Variants in FIGLA observed in about 807,000 individuals in gnomAD.
FIGLA encodes folliculogenesis specific bHLH transcription factor, also known as factor in the germline alpha.
In FIGLA, 17 loss-of-function variants were observed where a neutral mutation model predicts 21.5. The observed-to-expected ratio is 0.79, with a 90% confidence interval of 0.54 to 1.19. FIGLA has a LOEUF of 1.19. Ranked by LOEUF, FIGLA falls within the 50% of genes most tolerant of loss-of-function variation. FIGLA has a pLI of 0.00. For missense variants in FIGLA, 282 were observed against 285.0 expected, an observed-to-expected ratio of 0.99 and a Z score of 0.08; for synonymous variants, 129 against 117.6, an observed-to-expected ratio of 1.10 and a Z score of -0.63.
rs17655355 is a variant in FIGLA, at chr2:70,777,969, C to G, written c.610-298G>C. Among the ~76,000 whole-genome samples the G allele has an allele frequency of 0.43, 64,641 of 152,026 alleles. 14,871 individuals are homozygous for G. The highest frequency in any genetic ancestry group is 0.74 in the East Asian group (3,809 of 5,170). On this transcript the variant is annotated intron_variant, in intron 3 of 4. Coordinates refer to ENST00000332372, the MANE Select transcript of FIGLA (RefSeq NM_001004311.3). ...TGTCTCTGCTCAATTTTCTGAAACT[C>G]TCAACTTGAAGAAAAAATAAACCCA...
At chr2:70,777,456 CA>C (rs1675780236) in intron 4 of FIGLA, 74 bp from the exon 5 acceptor site, 1 of 1,347,858 alleles carries the variant, frequency 7.4e-7, no homozygotes. Context: ...AAGAAATATG[CA>C]AAAAATTAAT....
chr2:70,787,728 C>A lies in FIGLA; in HGVS notation c.305G>T (p.Ser102Ile). 2 of 1,612,078 alleles carry A rather than the reference C, an allele frequency of 1.2e-6. No homozygotes were observed. The highest frequency in any genetic ancestry group is 2.7e-5 in the African/African-American group (2 of 75,008). ...CGCACCTTTAAGGATATCAACTTTG[C>A]TGGGCTTCCTGCTTTGGGGAAGAAA... ...VPFLPQSRKPSKVDILKGATE... is the reference protein window; with the variant it reads ...VPFLPQSRKPIKVDILKGATE... The change falls in exon 2 of 5, where the codon AGC (serine) becomes ATC (isoleucine). Residue 102 changes from serine (S) to isoleucine (I), a missense_variant. Coordinates refer to ENST00000332372, the MANE Select transcript of FIGLA (RefSeq NM_001004311.3).
intron 3 of FIGLA, 79 bp downstream of exon 3, chr2:70,785,336 T>C: frequency 1.7e-6 from 2 of 1,176,650 alleles, no homozygotes; most frequent in Non-Finnish European, 2.4e-6. Context: ...TGTTTTAGCA[T>C]GGAAAAATGA....
At chr2:70,788,738 G>A (rs1016521057) in intron 1 of FIGLA, among the ~76,000 whole-genome samples, 1 of 152,192 alleles carries the variant, frequency 6.6e-6, no homozygotes, top group Non-Finnish European at 1.5e-5. Context: ...TATGTATCAA[G>A]GTGGTAACAT....
chr2:70,787,875 G>C, intron 1 of FIGLA, 74 bp from the exon 2 acceptor site: 3 of 1,509,350 alleles, frequency 2.0e-6, no homozygotes, highest in Non-Finnish European at 2.7e-6. Flanking sequence ...TACAGAAGGG[G>C]GTTGTTTCCA....
At position 70,790,390 on chromosome 2, in the gene FIGLA, A is replaced by T; in HGVS notation, c.231+18T>A. On this transcript the variant is annotated intron_variant, in intron 1 of 4. Coordinates refer to ENST00000332372, the MANE Select transcript of FIGLA (RefSeq NM_001004311.3). ...GCAGGGAAGGGGGGAACGGACGTCG[A>T]CCCTAGGGATCCCTCACCCGCTCAC... The T allele has an allele frequency of 1.3e-6, 2 of 1,506,782 alleles. No homozygotes were observed. Among genetic ancestry groups the T allele is most frequent in the Non-Finnish European group, 1.8e-6 (2 of 1,126,428 alleles). 93.3% of individuals were successfully genotyped at this position (1,506,782 alleles called of 1,614,324 possible).
chr2:70,778,007 A>G (rs1423052656), intron 3 of FIGLA, among the ~76,000 whole-genome samples: 1 of 152,236 alleles, frequency 6.6e-6, no homozygotes. Flanking sequence ...ACTGAAAAAT[A>G]AAGCCGCTCA....
intron 3 of FIGLA, 33 bp from the exon 4 acceptor site, chr2:70,777,704 A>G (rs1355817793): frequency 2.7e-6 from 3 of 1,123,032 alleles, no homozygotes; most frequent in Non-Finnish European, 4.0e-6. Context: ...AGAAAGGGCT[A>G]AACACATCGG....
intron 2 of FIGLA, among the ~76,000 whole-genome samples, chr2:70,787,177 C>T (rs1347740452): frequency 1.3e-5 from 2 of 152,196 alleles, no homozygotes; most frequent in Non-Finnish European, 2.9e-5. Context: ...CAGACCATTG[C>T]TGAGCTCTTC....
intron 2 of FIGLA, among the ~76,000 whole-genome samples, chr2:70,786,682 A>T (rs782089705): frequency 1.3e-5 from 2 of 151,958 alleles, no homozygotes; most frequent in Non-Finnish European, 2.9e-5. Flanking sequence ...CCAATCATGC[A>T]CCCTCAATCT....
At chr2:70,782,989 C>T (rs377276042) in intron 3 of FIGLA, among the ~76,000 whole-genome samples, 2 of 147,078 alleles carry the variant, frequency 1.4e-5, no homozygotes, top group Admixed American at 6.9e-5. Flanking sequence ...ACCCGGGAGG[C>T]GGAGGTTGCA....
chr2:70,780,448 T>C (rs1286625103), intron 3 of FIGLA, among the ~76,000 whole-genome samples: 5 of 152,188 alleles, frequency 3.3e-5, no homozygotes, highest in African/African-American at 4.8e-5. Flanking sequence ...TGAAACCTTA[T>C]GGAGTCACCG....
At chr2:70,780,076 C>T (rs1274490243) in intron 3 of FIGLA, among the ~76,000 whole-genome samples, 1 of 152,176 alleles carries the variant, frequency 6.6e-6, no homozygotes, top group East Asian at 1.9e-4. Flanking sequence ...TCTCTGTCTG[C>T]ACGAATACTT....
intron 3 of FIGLA, among the ~76,000 whole-genome samples, chr2:70,782,956 G>A (rs1675882503): frequency 6.6e-6 from 1 of 151,760 alleles, no homozygotes; most frequent in African/African-American, 2.4e-5. Flanking sequence ...TACTCGGGAG[G>A]CTGAGGCAGG....
intron 3 of FIGLA, among the ~76,000 whole-genome samples, chr2:70,779,300 G>C (rs532662948): frequency 6.6e-6 from 1 of 152,288 alleles, no homozygotes; most frequent in South Asian, 2.1e-4. Flanking sequence ...AATCTCATCA[G>C]AATATGCCCC....
chr2:70,790,468 A>G lies in FIGLA; in HGVS notation c.171T>C (p.Thr57=). ...GCTCCAGCACCAACTGGAGGTTTTC[A>G]GTGGACGAGTAGCCGCCCGAGGGCA... ...KRLPSGGYSS[T]ENLQLVLERR... is the part of the protein sequence containing the mutation. Residue 57 remains threonine (T), a synonymous_variant, in exon 1 of 5, where the codon ACT becomes ACC. Transcript: ENST00000332372. 1 of 1,544,906 alleles carries G rather than the reference A, an allele frequency of 6.5e-7. No individual in the cohort carries two copies. The highest frequency in any genetic ancestry group is 8.7e-7 in the Non-Finnish European group (1 of 1,146,066).
Position 70,783,007 on chromosome 2 carries a change from G to A in FIGLA, c.609+2408C>T, listed in dbSNP as rs571901814. Among the ~76,000 whole-genome samples, 5 of 150,272 alleles carry A rather than the reference G, an allele frequency of 3.3e-5. No homozygotes were observed. In the South Asian group the frequency reaches 6.3e-4, roughly 19 times the overall value. On this transcript the variant is annotated intron_variant, in intron 3 of 4. Transcript: ENST00000332372. ...CGGGAGGCGGAGGTTGCAGTGAGTCGAGATGGTGCCACTGCACTCCAGCCT... is the reference window on the plus strand; with the variant it reads ...CGGGAGGCGGAGGTTGCAGTGAGTCAAGATGGTGCCACTGCACTCCAGCCT...
In FIGLA at chr2:70,777,355, C is replaced by T; in HGVS notation, c.*12G>A. The T allele has an allele frequency of 6.7e-7, 1 of 1,493,032 alleles. No homozygotes were observed. Among genetic ancestry groups the T allele is most frequent in the Non-Finnish European group, 9.0e-7 (1 of 1,115,286 alleles). The allele number at this position is 1,493,032 out of a possible 1,614,324, so 92.5% of individuals were successfully genotyped here. On this transcript the variant is annotated 3_prime_UTR_variant, in exon 5 of 5. Transcript: ENST00000332372. ...TTTGTCTCTAGAAGGTAACCCTGGG[C>T]CTTTTCATTTTTCATACTTGTGGAA... is the stretch of plus-strand genomic sequence containing the variant.
chr2:70,781,237 G>A (rs144852576), intron 3 of FIGLA, among the ~76,000 whole-genome samples: 18 of 152,110 alleles, frequency 1.2e-4, no homozygotes, highest in Non-Finnish European at 2.5e-4. Flanking sequence ...ATGTGGTGAG[G>A]GGATGGCAAC....
Sources: allele counts gnomAD v4.1 joint callset (sites outside exome capture counted in the v4.1 genomes callset), GRCh38; gene constraint gnomAD v4.1.1; transcripts MANE v1.5; gene names NCBI Gene and HGNC (gene_info 2026-07-23, HGNC 2026-07-21).